The following FIG4 variants were observed in gnomAD, a reference collection of about 807,000 sequenced individuals.
FIG4 encodes polyphosphoinositide phosphatase.
FIG4 carries 112 observed loss-of-function variants against 118.6 expected under a neutral mutation model. That is an observed-to-expected ratio of 0.94 (90% CI 0.81 to 1.11). FIG4 has a LOEUF of 1.11. FIG4 is among the 50% of genes least tolerant of loss of function. FIG4 has a pLI of 0.00. For missense variants in FIG4, 969 were observed against 1,111.7 expected, an observed-to-expected ratio of 0.87 and a Z score of 1.83; for synonymous variants, 369 against 381.2, an observed-to-expected ratio of 0.97 and a Z score of 0.37.
intron 15 of FIG4, among the ~76,000 whole-genome samples, chr6:109,768,534 A>G (rs1396789543): frequency 1.3e-5 from 2 of 152,112 alleles, no homozygotes; most frequent in African/African-American, 4.8e-5. Flanking sequence ...TTTATGCACA[A>G]CTTAACTGGG....
rs1317988564 is a variant in FIG4, at chr6:109,766,738, G to A, written c.1593G>A (p.Glu531=). ...QFDTDAVRLF[E]ELYEDHGDTL... is the part of the protein sequence containing the mutation. ...GTTTTTCTTTTTTTAGGTTATTTGA[G>A]GAACTCTATGAAGATCATGGTGATA... The change falls in exon 15 of 23, where the codon GAG becomes GAA. Residue 531 remains glutamate, a synonymous_variant. Coordinates refer to ENST00000230124, the MANE Select transcript of FIG4 (RefSeq NM_014845.6). The A allele has an allele frequency of 2.5e-6, 4 of 1,613,708 alleles. No homozygotes were observed. Among genetic ancestry groups the A allele is most frequent in the South Asian group, 2.2e-5 (2 of 91,078 alleles).
At chr6:109,796,548 G>T (rs1341203152) in intron 21 of FIG4, among the ~76,000 whole-genome samples, 1 of 152,154 alleles carries the variant, frequency 6.6e-6, no homozygotes, top group African/African-American at 2.4e-5. Context: ...TTTTATCCAT[G>T]GTTATGACTT....
intron 16 of FIG4, among the ~76,000 whole-genome samples, chr6:109,784,034 A>C (rs994634770): frequency 6.6e-6 from 1 of 152,142 alleles, no homozygotes; most frequent in African/African-American, 2.4e-5. Context: ...CTGTTGCTTC[A>C]TAATCAGGAT....
intron 3 of FIG4, among the ~76,000 whole-genome samples, chr6:109,722,798 G>A (rs1189964922): frequency 6.6e-6 from 1 of 152,086 alleles, no homozygotes; most frequent in Non-Finnish European, 1.5e-5. Flanking sequence ...CTGTGAGTCG[G>A]TGCTTGGTTG....
intron 17 of FIG4, 118 bp downstream of exon 17, chr6:109,785,146 G>A (rs1171907705): frequency 2.7e-6 from 2 of 728,732 alleles, no homozygotes; most frequent in East Asian, 5.0e-5. Context: ...ATGAATGGCT[G>A]TTCAGTATTA....
In FIG4 at chr6:109,738,448, A is replaced by C; in HGVS notation, c.770A>C (p.Gln257Pro). The C allele has an allele frequency of 6.2e-7, 1 of 1,612,624 alleles. No individual in the cohort carries two copies. The highest frequency in any genetic ancestry group is 8.5e-7 in the Non-Finnish European group (1 of 1,178,940). ...LLYIIHGFCGQSKLLIYGRPV... is the reference protein window; with the variant it reads ...LLYIIHGFCGPSKLLIYGRPV... Reference sequence around the variant, plus strand: ...TATATTATTCATGGGTTCTGTGGGCAGTCAAGTATCCTTTCTGAAGAAAAA... The same window carrying C: ...TATATTATTCATGGGTTCTGTGGGCCGTCAAGTATCCTTTCTGAAGAAAAA... The change falls in exon 7 of 23, where the codon CAG becomes CCG. Residue 257 changes from glutamine (Q) to proline (P), a missense_variant. Gln to Pro is a moderately conservative substitution (Grantham distance 76). This residue lies in a region of FIG4 where 393 missense variants were observed against 409.4 expected (regional missense o/e 0.96). Transcript: ENST00000230124.
chr6:109,817,599 A>G lies in FIG4; in HGVS notation c.2547-7489A>G, dbSNP rs543122103. ...AAAAAAAAAAGAGTATAATTCTACC[A>G]TACCTGGACCAACATGAAATATCAA... On this transcript the variant is annotated intron_variant, in intron 22 of 22. Coordinates refer to ENST00000230124, the MANE Select transcript of FIG4 (RefSeq NM_014845.6). Among the ~76,000 whole-genome samples, 172 of 151,980 alleles carry G rather than the reference A, an allele frequency of 1.1e-3. 1 individual carries two copies. The highest frequency in any genetic ancestry group is 4.0e-3 in the African/African-American group (164 of 41,484).
chr6:109,732,642 T>C lies in FIG4; in HGVS notation c.452T>C (p.Leu151Pro). 1 of 1,421,698 alleles carries C rather than the reference T, an allele frequency of 7.0e-7. No individual in the cohort carries two copies. The highest frequency in any genetic ancestry group is 9.9e-7 in the Non-Finnish European group (1 of 1,015,052). The allele number at this position is 1,421,698 out of a possible 1,614,324, so 88.1% of individuals were successfully genotyped here. A position where few individuals can be genotyped will look rare whatever the true frequency, so the allele number is the denominator to read the frequency against. ...RVTHPDEARYLRIFQNVDLSS... is the reference protein window; with the variant it reads ...RVTHPDEARYPRIFQNVDLSS... The stretch of plus-strand genomic sequence containing the variant: ...CTTTGTTTTTTTTTTTTTAGGTATC[T>C]ACGAATATTTCAAAATGTGGACCTA... The change falls in exon 5 of 23, where the codon CTA (leucine) becomes CCA (proline). Residue 151 changes from leucine to proline, a missense_variant. Around this residue, in one of 3 missense-constraint regions of FIG4, gnomAD observed 393 missense variants for 409.4 expected, o/e 0.96. Transcript: ENST00000230124.
chr6:109,723,597 T>A (rs1380082981), intron 3 of FIG4, among the ~76,000 whole-genome samples: 1 of 152,204 alleles, frequency 6.6e-6, no homozygotes, highest in South Asian at 2.1e-4. Context: ...TGGCCTCATC[T>A]AGGCCACCTA....
At chr6:109,696,238 A>G (rs528869251) in intron 1 of FIG4, among the ~76,000 whole-genome samples, 3 of 152,304 alleles carry the variant, frequency 2.0e-5, no homozygotes, top group Admixed American at 2.0e-4. Flanking sequence ...GCTGTTTTCA[A>G]ACTGATCTGT....
At chr6:109,783,135 A>G (rs1393644713) in intron 16 of FIG4, among the ~76,000 whole-genome samples, 3 of 152,218 alleles carry the variant, frequency 2.0e-5, no homozygotes, top group Non-Finnish European at 4.4e-5. Flanking sequence ...TGGAAGGGAG[A>G]GCATCAGTAT....
intron 9 of FIG4, 118 bp downstream of exon 9, chr6:109,743,390 A>G: frequency 1.1e-6 from 1 of 941,692 alleles, no homozygotes; most frequent in Non-Finnish European, 1.7e-6. Context: ...CCTGGAAGGT[A>G]GATAATTTAG....
intron 1 of FIG4, among the ~76,000 whole-genome samples, chr6:109,692,030 CAG>C (rs1316401372): frequency 6.6e-6 from 1 of 152,138 alleles, no homozygotes; most frequent in African/African-American, 2.4e-5. Flanking sequence ...TGTTTAAAGA[CAG>C]ATAATTTGTT....
intron 16 of FIG4, among the ~76,000 whole-genome samples, chr6:109,778,813 G>C (rs6568607): frequency 2.0e-5 from 3 of 152,022 alleles, no homozygotes; most frequent in Non-Finnish European, 4.4e-5. Flanking sequence ...GTTAGCTAGG[G>C]TGGTCTTGAT....
Position 109,789,607 on chromosome 6 carries a change from A to G in FIG4, c.2110A>G (p.Lys704Glu), listed in dbSNP as rs762300347. Residue 704 changes from lysine (K) to glutamate (E), a missense_variant, in exon 19 of 23, where the codon AAG becomes GAG. Around this residue, in one of 3 missense-constraint regions of FIG4, gnomAD observed 330 missense variants for 348.1 expected, o/e 0.95. Transcript: ENST00000230124. ...ACCTTTCTTTAGTGACTTTATGCCTAAGACCGTTGGAATTGATCCAAGTCC... is the reference window on the plus strand; with the variant it reads ...ACCTTTCTTTAGTGACTTTATGCCTGAGACCGTTGGAATTGATCCAAGTCC... ...MTSSARDFMP[K>E]TVGIDPSPFT... 1 of 1,613,144 alleles carries G rather than the reference A, an allele frequency of 6.2e-7. No homozygotes were observed. The highest frequency in any genetic ancestry group is 1.1e-5 in the South Asian group (1 of 91,054).
At chr6:109,793,971 A>C (rs1778208617) in intron 21 of FIG4, among the ~76,000 whole-genome samples, 1 of 152,214 alleles carries the variant, frequency 6.6e-6, no homozygotes, top group Admixed American at 6.5e-5. Context: ...ACTCTGTAGT[A>C]GTTGAAGTGG....
At chr6:109,698,036 A>G (rs1774785153) in intron 1 of FIG4, among the ~76,000 whole-genome samples, 1 of 151,804 alleles carries the variant, frequency 6.6e-6, no homozygotes, top group African/African-American at 2.4e-5. Context: ...TTACAGGTGC[A>G]CACCACCACA....
chr6:109,732,493 T>G (rs1776031534), intron 4 of FIG4, 144 bp from the exon 5 acceptor site: 4 of 639,764 alleles, frequency 6.3e-6, no homozygotes, highest in Non-Finnish European at 8.4e-6. Flanking sequence ...TTGCTTTGGA[T>G]GTAATCCCTA....
chr6:109,796,402 G>A (rs1379788866), intron 21 of FIG4, among the ~76,000 whole-genome samples: 3 of 152,136 alleles, frequency 2.0e-5, no homozygotes, highest in African/African-American at 4.8e-5. Flanking sequence ...TGCATTCCAC[G>A]CATTAGATAT....
Sources: gnomAD v4.1 joint callset for allele counts (sites outside exome capture counted in the v4.1 genomes callset) on GRCh38, gnomAD v4.1.1 for gene constraint, gnomAD v4.1.1 regional missense constraint, MANE v1.5 for transcripts, NCBI Gene and HGNC (gene_info 2026-07-23, HGNC 2026-07-21) for gene names.